Variants in IL1F10 observed in about 807,000 individuals in gnomAD.
The protein encoded by IL1F10 is interleukin-1 family member 10.
In IL1F10, 13 loss-of-function variants were observed where a neutral mutation model predicts 13.1. That is an observed-to-expected ratio of 0.99 (90% CI 0.64 to 1.57). The LOEUF is 1.57. Among genes scored for constraint, IL1F10 ranks in the 40% most tolerant of loss-of-function variants. IL1F10 has a pLI of 0.00. For synonymous variants in IL1F10, 78 were observed against 68.2 expected (o/e 1.14, Z -0.71); for missense variants, 191 against 184.1 (o/e 1.04, Z -0.22).
intron 1 of IL1F10, chr2:113,072,454 C>T: frequency 2.5e-6 from 1 of 395,306 alleles, no homozygotes; most frequent in Non-Finnish European, 4.6e-6. Flanking sequence ...TTCTCAGAAC[C>T]AGCGCAAGCA....
intron 1 of IL1F10, among the ~76,000 whole-genome samples, chr2:113,068,692 A>T (rs1156810471): frequency 3.3e-5 from 5 of 152,188 alleles, no homozygotes; most frequent in Admixed American, 3.3e-4. Flanking sequence ...TAGTTCAATT[A>T]GGGTGGTTGG....
At chr2:113,070,597 AG>A (rs952584512) in intron 1 of IL1F10, among the ~76,000 whole-genome samples, 2 of 152,150 alleles carry the variant, frequency 1.3e-5, no homozygotes, top group African/African-American at 4.8e-5. Flanking sequence ...GGTTTGGCCA[AG>A]GGGAGCCCAT....
chr2:113,071,987 G>C (rs533508756), intron 1 of IL1F10, among the ~76,000 whole-genome samples: 5 of 152,164 alleles, frequency 3.3e-5, no homozygotes, highest in Non-Finnish European at 7.3e-5. Context: ...GTTCATTTTA[G>C]GGAAGAGCTC....
At chr2:113,070,395 C>G (rs985102597) in intron 1 of IL1F10, among the ~76,000 whole-genome samples, 1 of 152,158 alleles carries the variant, frequency 6.6e-6, no homozygotes, top group African/African-American at 2.4e-5. Flanking sequence ...TTTCTAGGGC[C>G]CATGGGATCC....
intron 1 of IL1F10, 24 bp from the exon 2 acceptor site, chr2:113,072,687 C>A: frequency 6.4e-7 from 1 of 1,553,792 alleles, no homozygotes; most frequent in Non-Finnish European, 8.9e-7. Flanking sequence ...CCTTTTCTAA[C>A]TGCCCTTCTC....
At chr2:113,073,244 T>G (rs1685870699) in intron 2 of IL1F10, among the ~76,000 whole-genome samples, 1 of 152,248 alleles carries the variant, frequency 6.6e-6, no homozygotes, top group South Asian at 2.1e-4. Flanking sequence ...TCATTTGAGA[T>G]TTGCATCCTT....
intron 4 of IL1F10, 136 bp from the exon 5 acceptor site, chr2:113,075,016 C>T: frequency 8.1e-7 from 1 of 1,228,136 alleles, no homozygotes; most frequent in East Asian, 2.3e-5. Flanking sequence ...CCCTTGCCCT[C>T]TAGAATCTGC....
At chr2:113,074,600 C>T (rs1218622610) in intron 3 of IL1F10, 123 bp from the exon 4 acceptor site, 1 of 1,291,002 alleles carries the variant, frequency 7.7e-7, no homozygotes, top group Non-Finnish European at 1.1e-6. Flanking sequence ...ACCGTCCAGT[C>T]TGCATGCAGG....
intron 3 of IL1F10, 70 bp downstream of exon 3, chr2:113,074,484 C>T (rs1685898508): frequency 2.3e-6 from 3 of 1,311,128 alleles, no homozygotes; most frequent in African/African-American, 2.9e-5. Flanking sequence ...TCCCTTTCCT[C>T]CCCAGCAGAG....
At chr2:113,068,960 G>T (rs934649611) in intron 1 of IL1F10, among the ~76,000 whole-genome samples, 8 of 152,118 alleles carry the variant, frequency 5.3e-5, no homozygotes, top group Non-Finnish European at 1.2e-4. Flanking sequence ...CTGAGGGTTG[G>T]AGGTTAAAAG....
chr2:113,068,340 C>CT (rs1685778771), intron 1 of IL1F10, among the ~76,000 whole-genome samples: 1 of 110,736 alleles, frequency 9.0e-6, no homozygotes, highest in African/African-American at 3.4e-5. Flanking sequence ...TTTTTGTTTT[C>CT]GTTTTTTTTT....
chr2:113,074,890 T>C (rs1685910247), intron 4 of IL1F10, 40 bp downstream of exon 4: 1 of 1,598,500 alleles, frequency 6.3e-7, no homozygotes, highest in Non-Finnish European at 8.5e-7. Flanking sequence ...ACTGCAGACC[T>C]GGCCTGACCC....
chr2:113,070,168 G>A (rs1250145043), intron 1 of IL1F10, among the ~76,000 whole-genome samples: 1 of 152,134 alleles, frequency 6.6e-6, no homozygotes, highest in Non-Finnish European at 1.5e-5. Flanking sequence ...AGGAAAATAG[G>A]GAGGGGAAGC....
chr2:113,074,991 C>A, intron 4 of IL1F10, 141 bp downstream of exon 4: 1 of 1,233,212 alleles, frequency 8.1e-7, no homozygotes, highest in Non-Finnish European at 1.2e-6. Context: ...TCTCCCTCTG[C>A]ACCTAGCACC....
At position 113,075,397 on chromosome 2, in the gene IL1F10, C is replaced by G. The variant is rs765324777; in HGVS notation, c.*33C>G. On this transcript the variant is annotated 3_prime_UTR_variant, in exon 5 of 5. Transcript: ENST00000341010. ...GGAAACTGCGTTTTAGCCTTGTGCCCCCAAACCAAGCTCATCCTGCTCAGG... is the reference window on the plus strand; with the variant it reads ...GGAAACTGCGTTTTAGCCTTGTGCCGCCAAACCAAGCTCATCCTGCTCAGG... 1.3e-6 allele frequency: 2 copies of G among 1,492,716 alleles called. No homozygotes were observed. Among genetic ancestry groups the G allele is most frequent in the Non-Finnish European group, 1.8e-6 (2 of 1,103,302 alleles). The allele number at this position is 1,492,716 out of a possible 1,614,324, so 92.5% of individuals were successfully genotyped here.
Position 113,075,459 on chromosome 2 carries a change from TC to T in IL1F10, c.*97del. 1 of 870,556 alleles carries T rather than the reference TC, an allele frequency of 1.1e-6. No individual in the cohort carries two copies. Among genetic ancestry groups the T allele is most frequent in the Non-Finnish European group, 1.8e-6 (1 of 565,284 alleles). 53.9% of individuals were successfully genotyped at this position (870,556 alleles called of 1,614,324 possible). ...GCAGAATAATGTCCCCCGAAATATGTCCACATCCTAATCCCAAGATCTGTGC... is the reference window on the plus strand; with the variant it reads ...GCAGAATAATGTCCCCCGAAATATGTCACATCCTAATCCCAAGATCTGTGC... On this transcript the variant is annotated 3_prime_UTR_variant, in exon 5 of 5. Coordinates refer to ENST00000341010, the MANE Select transcript of IL1F10 (RefSeq NM_173161.3).
chr2:113,070,330 A>C (rs185033062), intron 1 of IL1F10, among the ~76,000 whole-genome samples: 173 of 152,302 alleles, frequency 1.1e-3, no homozygotes, highest in Admixed American at 3.9e-3. Flanking sequence ...AGGGAGCCGA[A>C]TAGGGGAGCC....
rs1266624824 is a variant in IL1F10, at chr2:113,072,869, A to G, written c.32+99A>G. 3 of 988,298 alleles carry G rather than the reference A, an allele frequency of 3.0e-6. No homozygotes were observed. In the African/African-American group the frequency reaches 4.8e-5, roughly 16 times the overall value. The allele number at this position is 988,298 out of a possible 1,614,324, so 61.2% of individuals were successfully genotyped here. A position where few individuals can be genotyped will look rare whatever the true frequency, so the allele number is the denominator to read the frequency against. Reference sequence around the variant, plus strand: ...AGAGGATGAGGCTCCTTCTCACCTTAGAAATTGCAAGTGCCCCATAATTAA... The same window carrying G: ...AGAGGATGAGGCTCCTTCTCACCTTGGAAATTGCAAGTGCCCCATAATTAA... On this transcript the variant is annotated intron_variant, in intron 2 of 4. Transcript: ENST00000341010.
Position 113,075,469 on chromosome 2 carries a change from A to G in IL1F10, c.*105A>G. On this transcript the variant is annotated 3_prime_UTR_variant, in exon 5 of 5. Coordinates refer to ENST00000341010, the MANE Select transcript of IL1F10 (RefSeq NM_173161.3). ...GTCCCCCGAAATATGTCCACATCCTAATCCCAAGATCTGTGCATATGTTAC... is the reference window on the plus strand; with the variant it reads ...GTCCCCCGAAATATGTCCACATCCTGATCCCAAGATCTGTGCATATGTTAC... 1 of 799,454 alleles carries G rather than the reference A, an allele frequency of 1.3e-6. No individual in the cohort carries two copies. Among genetic ancestry groups the G allele is most frequent in the Non-Finnish European group, 2.0e-6 (1 of 505,348 alleles). 49.5% of individuals were successfully genotyped at this position (799,454 alleles called of 1,614,324 possible).
Sources: gnomAD v4.1 joint callset for allele counts (sites outside exome capture counted in the v4.1 genomes callset) on GRCh38, gnomAD v4.1.1 for gene constraint, MANE v1.5 for transcripts, NCBI Gene and HGNC (gene_info 2026-07-23, HGNC 2026-07-21) for gene names.